The following PTBP3 variants were observed in gnomAD, a reference collection of about 807,000 sequenced individuals.
PTBP3 encodes the protein polypyrimidine tract binding protein 3, also known as polypyrimidine tract-binding protein 3.
PTBP3 carries 20 observed loss-of-function variants against 58.7 expected under a neutral mutation model. The observed-to-expected ratio is 0.34, with a 90% CI of 0.24 to 0.50. PTBP3 has a LOEUF of 0.50. Ranked by LOEUF, PTBP3 falls within the 20% of genes least tolerant of loss-of-function variation. The pLI is 0.98. For missense variants in PTBP3, 509 were observed against 637.2 expected, an observed-to-expected ratio of 0.80 and a Z score of 2.17; for synonymous variants, 185 against 219.8, an observed-to-expected ratio of 0.84 and a Z score of 1.40.
intron 7 of PTBP3, among the ~76,000 whole-genome samples, chr9:112,244,501 C>G (rs1441063336): frequency 2.6e-5 from 4 of 151,082 alleles, no homozygotes; most frequent in Admixed American, 2.6e-4. Context: ...CAGAGGGACC[C>G]TACCTCTACA....
chr9:112,339,636 T>C, the PTBP3 span, among the ~76,000 whole-genome samples: 2 of 151,790 alleles, frequency 1.3e-5, no homozygotes, highest in Non-Finnish European at 2.9e-5. Context: ...TGATCTCGGC[T>C]CACTGCAACC....
chr9:112,226,196 T>G (rs1038571127), intron 12 of PTBP3, among the ~76,000 whole-genome samples: 1 of 152,072 alleles, frequency 6.6e-6, no homozygotes, highest in Non-Finnish European at 1.5e-5. Context: ...ACTTTTTTTT[T>G]TTTTCCTTGA....
chr9:112,288,066 A>G (rs138323836), intron 2 of PTBP3, among the ~76,000 whole-genome samples: 16 of 152,336 alleles, frequency 1.1e-4, no homozygotes, highest in African/African-American at 2.9e-4. Context: ...TTAGAAAAAC[A>G]TAAGTTACTT....
In PTBP3 at chr9:112,219,639, A is replaced by G. The variant is rs1405294918; in HGVS notation, c.*4212T>C. The G allele has an allele frequency of 1.3e-5, 2 of 152,686 alleles. No individual in the cohort carries two copies. Among genetic ancestry groups the G allele is most frequent in the African/African-American group, 4.8e-5 (2 of 41,460 alleles). 9.5% of individuals were successfully genotyped at this position (152,686 alleles called of 1,614,324 possible). On this transcript the variant is annotated 3_prime_UTR_variant, in exon 14 of 14. Coordinates refer to ENST00000374257, the MANE Select transcript of PTBP3 (RefSeq NM_001163788.4). Reference sequence around the variant, plus strand: ...AAAGTGTAACTGAGACTTTATTTATAGTTACAATTCTTTGCTTGGATGAAT... The same window carrying G: ...AAAGTGTAACTGAGACTTTATTTATGGTTACAATTCTTTGCTTGGATGAAT...
At chr9:112,276,904 AC>A (rs1334157118) in intron 2 of PTBP3, among the ~76,000 whole-genome samples, 1 of 152,224 alleles carries the variant, frequency 6.6e-6, no homozygotes, top group Non-Finnish European at 1.5e-5. Flanking sequence ...AATACAAATT[AC>A]TTAAAAGCTA....
rs535524182 is a variant in PTBP3 at position 112,224,994 on chromosome 9, A to G, written c.1365-784T>C. On this transcript the variant is annotated intron_variant, in intron 12 of 13. Coordinates refer to ENST00000374257, the MANE Select transcript of PTBP3 (RefSeq NM_001163788.4). ...TGCCTTGCATCGTGATTACAACCTT[A>G]TGACAGACTCAGCCAAAGCCACCCA... 2.3e-3 allele frequency among the ~76,000 whole-genome samples: 345 copies of G among 152,300 alleles called. 2 individuals carry two copies. The highest frequency in any genetic ancestry group is 3.7e-3 in the Non-Finnish European group (253 of 68,024).
chr9:112,304,435 G>A (rs1829079165), intron 1 of PTBP3, among the ~76,000 whole-genome samples: 1 of 152,122 alleles, frequency 6.6e-6, no homozygotes, highest in South Asian at 2.1e-4. Flanking sequence ...ATGTGAAATG[G>A]CTGGATCATA....
the PTBP3 span, among the ~76,000 whole-genome samples, chr9:112,352,344 C>A: frequency 6.6e-6 from 1 of 152,038 alleles, no homozygotes; most frequent in African/African-American, 2.4e-5. Context: ...GTCAGGAGGT[C>A]TGGCCTGTCA....
chr9:112,277,318 C>T (rs370208037), intron 2 of PTBP3, among the ~76,000 whole-genome samples: 3 of 152,268 alleles, frequency 2.0e-5, no homozygotes, highest in South Asian at 2.1e-4. Flanking sequence ...ATAATTGGCA[C>T]ACAAATGTTT....
intron 7 of PTBP3, 82 bp downstream of exon 7, chr9:112,250,847 G>A (rs917370749): frequency 1.6e-6 from 2 of 1,281,686 alleles, no homozygotes; most frequent in Non-Finnish European, 2.1e-6. Context: ...AGAAGAAAAA[G>A]GCTTATAAAC....
chr9:112,239,215 A>G (rs994118826), intron 7 of PTBP3, among the ~76,000 whole-genome samples: 3 of 152,174 alleles, frequency 2.0e-5, no homozygotes, highest in South Asian at 2.1e-4. Context: ...GCAGTGCTAA[A>G]CTTCAAACCA....
intron 2 of PTBP3, among the ~76,000 whole-genome samples, chr9:112,294,436 T>C (rs1265941597): frequency 6.6e-6 from 1 of 152,184 alleles, no homozygotes; most frequent in Non-Finnish European, 1.5e-5. Flanking sequence ...GAGGACTGCC[T>C]GAACCCAGGA....
At chr9:112,224,306 A>G in intron 12 of PTBP3, 96 bp from the exon 13 acceptor site, 2 of 735,856 alleles carry the variant, frequency 2.7e-6, no homozygotes, top group Middle Eastern at 5.1e-4. Context: ...GTACATTTCA[A>G]ACAGAATTAT....
In PTBP3 at chr9:112,241,635, ATGTT is replaced by A. The variant is rs547964515; in HGVS notation, c.803-6742_803-6739del. Among the ~76,000 whole-genome samples the A allele has an allele frequency of 1.5e-3, 234 of 152,328 alleles. 1 individual carries two copies. The highest frequency in any genetic ancestry group is 5.5e-3 in the African/African-American group (228 of 41,568). ...AGGTGTTTAGTAGGCTATAACATCT[ATGTT>A]TGTTTAAGTACACAACAAAACCACC... On this transcript the variant is annotated intron_variant, in intron 7 of 13. Coordinates refer to ENST00000374257, the MANE Select transcript of PTBP3 (RefSeq NM_001163788.4).
Position 112,218,872 on chromosome 9 carries a change from G to A in PTBP3, c.*4979C>T, listed in dbSNP as rs1171697153. The A allele has an allele frequency of 6.6e-6, 1 of 152,216 alleles. No homozygotes were observed. Among genetic ancestry groups the A allele is most frequent in the Admixed American group, 6.6e-5 (1 of 15,242 alleles). The allele number at this position is 152,216 out of a possible 1,614,324, so 9.4% of individuals were successfully genotyped here. On this transcript the variant is annotated 3_prime_UTR_variant, in exon 14 of 14. Transcript: ENST00000374257. ...TTTACAGCATTTTCTTCTGTTAGAC[G>A]AACATTCTTAAAAACTGAAAAGGGG...
chr9:112,346,017 A>G, the PTBP3 span, among the ~76,000 whole-genome samples: 3 of 151,398 alleles, frequency 2.0e-5, no homozygotes, highest in Admixed American at 6.6e-5. Flanking sequence ...CATCATGCCC[A>G]GCTAATTTTT....
chr9:112,262,440 G>A lies in PTBP3; in HGVS notation c.511C>T (p.His171Tyr), dbSNP rs565650906. The A allele has an allele frequency of 1.3e-6, 2 of 1,595,238 alleles. No homozygotes were observed. The highest frequency in any genetic ancestry group is 2.3e-5 in the East Asian group (1 of 43,554). ...GGGTATTTATTCCTCCTTACCTGAT[G>A]AAGAACTTCCAGGGTAACAGGGTAA... ...LFYPVTLEVL[H>Y]QIFSKFGTVL... Residue 171 changes from histidine to tyrosine, a missense_variant, in exon 5 of 14, where the codon CAT becomes TAT. By Grantham distance (83) the His-to-Tyr change is moderately conservative. Coordinates refer to ENST00000374257, the MANE Select transcript of PTBP3 (RefSeq NM_001163788.4).
Position 112,220,440 on chromosome 9 carries a change from C to A in PTBP3, c.*3411G>T. 1 of 1,159,120 alleles carries A rather than the reference C, an allele frequency of 8.6e-7. No homozygotes were observed. The highest frequency in any genetic ancestry group is 3.9e-5 in the Admixed American group (1 of 25,836). The allele number at this position is 1,159,120 out of a possible 1,614,324, so 71.8% of individuals were successfully genotyped here. On this transcript the variant is annotated 3_prime_UTR_variant, in exon 14 of 14. Transcript: ENST00000374257. Reference sequence around the variant, plus strand: ...GGCATTCATAGGAGCCACTTCTCATCAACTAAAACAGAACCCATGATTATC... The same window carrying A: ...GGCATTCATAGGAGCCACTTCTCATAAACTAAAACAGAACCCATGATTATC...
At chr9:112,341,491 T>C in the PTBP3 span, among the ~76,000 whole-genome samples, 7 of 151,886 alleles carry the variant, frequency 4.6e-5, no homozygotes, top group Non-Finnish European at 7.4e-5. Flanking sequence ...TGTTTTTCGT[T>C]GGGTGTGTGT....
Sources: gnomAD v4.1 joint callset for allele counts (sites outside exome capture counted in the v4.1 genomes callset) on GRCh38, gnomAD v4.1.1 for gene constraint, MANE v1.5 for transcripts, NCBI Gene and HGNC (gene_info 2026-07-23, HGNC 2026-07-21) for gene names.